The following SAR1A variants were observed in gnomAD, a reference collection of about 807,000 sequenced individuals.
The protein encoded by SAR1A is small COPII coat GTPase SAR1A.
In SAR1A, 6 loss-of-function variants were observed where a neutral mutation model predicts 22.6. The observed-to-expected ratio is 0.27, with a 90% CI of 0.15 to 0.52. SAR1A has a LOEUF of 0.52. Among genes scored for constraint, SAR1A ranks in the 20% least tolerant of loss-of-function variants. The pLI is 0.96. For synonymous variants in SAR1A, 70 were observed against 82.2 expected (o/e 0.85, Z 0.80); for missense variants, 145 against 245.1 (o/e 0.59, Z 2.73).
At chr10:70,152,725 C>A in intron 6 of SAR1A, 133 bp from the exon 7 acceptor site, 1 of 678,566 alleles carries the variant, frequency 1.5e-6, no homozygotes, top group South Asian at 1.7e-5. Context: ...GAAATGTGGT[C>A]AAGGCCATAT....
intron 1 of SAR1A, among the ~76,000 whole-genome samples, 152 bp from the exon 2 acceptor site, chr10:70,162,083 G>A (rs1036057541): frequency 1.3e-5 from 2 of 152,022 alleles, no homozygotes; most frequent in Non-Finnish European, 2.9e-5. Context: ...CTCACACCTG[G>A]AATCCCAGCA....
rs1228381127 is a variant in SAR1A at position 70,147,596 on chromosome 10, C to T, written c.*4880G>A. ...GCATTCTTTAAATATTTTTTCCAAC[C>T]ATTTAAATATGTAAAAACCTTTCTT... On this transcript the variant is annotated 3_prime_UTR_variant, in exon 7 of 7. Coordinates refer to ENST00000373241, the MANE Select transcript of SAR1A (RefSeq NM_020150.5). 6.6e-6 allele frequency: 1 copy of T among 152,106 alleles called. No individual in the cohort carries two copies. Among genetic ancestry groups the T allele is most frequent in the East Asian group, 1.9e-4 (1 of 5,208 alleles). The allele number at this position is 152,106 out of a possible 1,614,324, so 9.4% of individuals were successfully genotyped here.
At chr10:70,160,971 A>C in intron 4 of SAR1A, 33 bp downstream of exon 4, 1 of 1,544,142 alleles carries the variant, frequency 6.5e-7, no homozygotes, top group Non-Finnish European at 8.8e-7. Flanking sequence ...AAAATAAGTC[A>C]ATAAACATGC....
At chr10:70,156,664 T>C (rs942094715) in intron 5 of SAR1A, among the ~76,000 whole-genome samples, 3 of 94,440 alleles carry the variant, frequency 3.2e-5, no homozygotes, top group Non-Finnish European at 4.8e-5. Flanking sequence ...CAGAGGAAGA[T>C]TCTGTTTAAA....
At position 70,152,329 on chromosome 10, in the gene SAR1A, C is replaced by T. The variant is rs1490564137; in HGVS notation, c.*147G>A. 3 of 883,912 alleles carry T rather than the reference C, an allele frequency of 3.4e-6. No homozygotes were observed. Among genetic ancestry groups the T allele is most frequent in the Non-Finnish European group, 3.6e-6 (2 of 555,794 alleles). 54.8% of individuals were successfully genotyped at this position (883,912 alleles called of 1,614,324 possible). On this transcript the variant is annotated 3_prime_UTR_variant, in exon 7 of 7. Coordinates refer to ENST00000373241, the MANE Select transcript of SAR1A (RefSeq NM_020150.5). ...GAGAAGAGCACATGTCACCACTGGG[C>T]AATGAGAGAGTTGACAGAGACTCTT... is the stretch of plus-strand genomic sequence containing the variant.
chr10:70,166,482 A>G (rs1839552293), intron 1 of SAR1A, among the ~76,000 whole-genome samples: 1 of 152,170 alleles, frequency 6.6e-6, no homozygotes, highest in South Asian at 2.1e-4. Context: ...AACAAAAGTC[A>G]CCCAAAATTC....
At chr10:70,155,244 G>C in intron 5 of SAR1A, 1 of 397,422 alleles carries the variant, frequency 2.5e-6, no homozygotes, top group Non-Finnish European at 5.1e-6. Flanking sequence ...TTAAGGTAGA[G>C]CATTCAATGA....
At chr10:70,163,897 T>C in intron 1 of SAR1A, 11 of 1,600,864 alleles carry the variant, frequency 6.9e-6, no homozygotes, top group East Asian at 2.2e-5. Flanking sequence ...TTTCTGACAA[T>C]GATGGCAAGA....
At position 70,152,561 on chromosome 10, in the gene SAR1A, C is replaced by T. The variant is rs1304678978; in HGVS notation, c.512G>A (p.Arg171His). 3.1e-6 allele frequency: 5 copies of T among 1,614,030 alleles called. No homozygotes were observed. Among genetic ancestry groups the T allele is most frequent in the East Asian group, 2.2e-5 (1 of 44,884 alleles). The change falls in exon 7 of 7, where the codon CGC becomes CAC. Residue 171 changes from arginine (R) to histidine (H), a missense_variant. Physicochemically the swap from Arg to His is conservative, Grantham distance 29 (BLOSUM62 0). Coordinates refer to ENST00000373241, the MANE Select transcript of SAR1A (RefSeq NM_020150.5). ...GNVTLKELNA[R>H]PMEVFMCSVL... ...ACTGCACATGAACACTTCCATGGGG[C>T]GAGCATTCAGCTCCTTCAGGGTCAC...
chr10:70,153,635 C>T (rs543953389), intron 6 of SAR1A, among the ~76,000 whole-genome samples: 1 of 152,268 alleles, frequency 6.6e-6, no homozygotes, highest in East Asian at 1.9e-4. Context: ...TTCCTTCTTC[C>T]TCAAATACCT....
chr10:70,166,881 T>G (rs1839560337), intron 1 of SAR1A: 1 of 151,582 alleles, frequency 6.6e-6, no homozygotes, highest in African/African-American at 2.4e-5. Context: ...GTGCTTGTAG[T>G]TCCAGCTACT....
At chr10:70,169,336 C>T (rs1839594349) in intron 1 of SAR1A, among the ~76,000 whole-genome samples, 1 of 148,404 alleles carries the variant, frequency 6.7e-6, no homozygotes, top group South Asian at 2.1e-4. Flanking sequence ...AAGTTCTCTT[C>T]CTTACAACTC....
At chr10:70,154,300 A>G (rs529194680) in intron 5 of SAR1A, among the ~76,000 whole-genome samples, 57 of 152,326 alleles carry the variant, frequency 3.7e-4, no homozygotes, top group South Asian at 6.2e-4. Context: ...GCAAAGTCCT[A>G]TAAGAATGAA....
chr10:70,157,265 G>A lies in SAR1A; in HGVS notation c.348+499C>T, dbSNP rs1248034001. ...TAAAAATACAAAAAACTAGCCGGGC[G>A]TGGTGGCACGTGCCTGTAGTCCCAG... is the stretch of plus-strand genomic sequence containing the variant. On this transcript the variant is annotated intron_variant, in intron 5 of 6. Coordinates refer to ENST00000373241, the MANE Select transcript of SAR1A (RefSeq NM_020150.5). 3.3e-5 allele frequency among the ~76,000 whole-genome samples: 5 copies of A among 152,078 alleles called. No individual in the cohort carries two copies. In the East Asian group the frequency reaches 5.8e-4, roughly 18 times the overall value.
intron 1 of SAR1A, chr10:70,164,133 C>T (rs1839513953): frequency 2.8e-6 from 2 of 715,396 alleles, no homozygotes; most frequent in South Asian, 3.0e-5. Context: ...ATAATGAAGA[C>T]CTTGTACAGA....
intron 1 of SAR1A, among the ~76,000 whole-genome samples, chr10:70,162,397 A>G (rs375302893): frequency 4.3e-4 from 54 of 124,634 alleles, no homozygotes; most frequent in South Asian, 2.4e-3. Flanking sequence ...GAAAGGGAAA[A>G]GGAAAGGGAA....
chr10:70,153,010 G>T (rs1391943311), intron 6 of SAR1A, among the ~76,000 whole-genome samples: 2 of 152,050 alleles, frequency 1.3e-5, no homozygotes, highest in Non-Finnish European at 2.9e-5. Flanking sequence ...AAGAAATGAA[G>T]AATTCATGTG....
intron 4 of SAR1A, among the ~76,000 whole-genome samples, chr10:70,159,584 C>G (rs1839440730): frequency 6.6e-6 from 1 of 152,046 alleles, no homozygotes; most frequent in Non-Finnish European, 1.5e-5. Flanking sequence ...TTGCAGTATG[C>G]CAAAATTGTG....
chr10:70,161,781 C>T, intron 2 of SAR1A, 43 bp from the exon 3 acceptor site: 1 of 1,613,428 alleles, frequency 6.2e-7, no homozygotes, highest in Non-Finnish European at 8.5e-7. Context: ...TCTCTACAGA[C>T]CAAAGCCTAT....
Sources: allele counts gnomAD v4.1 joint callset (sites outside exome capture counted in the v4.1 genomes callset), GRCh38; gene constraint gnomAD v4.1.1; transcripts MANE v1.5; gene names NCBI Gene and HGNC (gene_info 2026-07-23, HGNC 2026-07-21).